PTK2B: variants seen among roughly 807,000 people sequenced by gnomAD.
PTK2B encodes protein-tyrosine kinase 2-beta.
In PTK2B, 71 loss-of-function variants were observed where a neutral mutation model predicts 142.9. That is an observed-to-expected ratio of 0.50 (90% CI 0.41 to 0.61). The LOEUF is 0.61. PTK2B is among the 20% of genes least tolerant of loss of function. The probability of loss-of-function intolerance (pLI) is 0.00; values close to 1 mark genes in which losing one functional copy is unlikely to be tolerated. For missense variants in PTK2B, 1,105 were observed against 1,320.4 expected (o/e 0.84, Z 2.53); for synonymous variants, 519 against 503.4 (o/e 1.03, Z -0.42).
At position 27,458,660 on chromosome 8, in the gene PTK2B, A is replaced by C; in HGVS notation, c.*151A>C. On this transcript the variant is annotated 3_prime_UTR_variant, in exon 31 of 31. Transcript: ENST00000346049. ...TGCACGACGCCCTCTCCCCACCCCT[A>C]CCCCTGGCTGTACTGCTCAGGCTGC... is the stretch of plus-strand genomic sequence containing the variant. 1 of 739,540 alleles carries C rather than the reference A, an allele frequency of 1.4e-6. No individual in the cohort carries two copies. 45.8% of individuals were successfully genotyped at this position (739,540 alleles called of 1,614,324 possible).
chr8:27,411,211 G>A (rs1809040019), intron 2 of PTK2B, among the ~76,000 whole-genome samples: 1 of 152,148 alleles, frequency 6.6e-6, no homozygotes, highest in African/African-American at 2.4e-5. Context: ...AGCTCTGGGT[G>A]GAGTGCTGAT....
chr8:27,392,412 CATG>C (rs1427385677), intron 1 of PTK2B, among the ~76,000 whole-genome samples: 1 of 151,124 alleles, frequency 6.6e-6, no homozygotes, highest in Non-Finnish European at 1.5e-5. Flanking sequence ...TGAAAATAGT[CATG>C]ATGATAGAGC....
intron 1 of PTK2B, among the ~76,000 whole-genome samples, chr8:27,338,349 G>A (rs1289104110): frequency 6.6e-6 from 1 of 151,936 alleles, no homozygotes. Flanking sequence ...CTATGAAGAT[G>A]CAAAGGCATA....
At chr8:27,356,290 A>T (rs1392922313) in intron 1 of PTK2B, among the ~76,000 whole-genome samples, 4 of 152,184 alleles carry the variant, frequency 2.6e-5, no homozygotes, top group African/African-American at 9.6e-5. Context: ...TACTGACCGT[A>T]TTGGGCCCTG....
intron 1 of PTK2B, among the ~76,000 whole-genome samples, chr8:27,351,608 T>A (rs1345577098): frequency 1.3e-5 from 2 of 152,032 alleles, no homozygotes; most frequent in Non-Finnish European, 2.9e-5. Flanking sequence ...ATAAATTAAT[T>A]AATAAATAAA....
chr8:27,376,562 G>A (rs943533516), intron 1 of PTK2B, among the ~76,000 whole-genome samples: 1 of 152,184 alleles, frequency 6.6e-6, no homozygotes, highest in African/African-American at 2.4e-5. Context: ...GTCACAGGGT[G>A]AGATAGGAAG....
At chr8:27,338,797 G>A (rs1804227804) in intron 1 of PTK2B, among the ~76,000 whole-genome samples, 1 of 152,090 alleles carries the variant, frequency 6.6e-6, no homozygotes, top group East Asian at 1.9e-4. Context: ...CAGATAATTT[G>A]GGAAGGTAGA....
At chr8:27,351,893 A>C (rs1346272634) in intron 1 of PTK2B, among the ~76,000 whole-genome samples, 1 of 152,200 alleles carries the variant, frequency 6.6e-6, no homozygotes, top group Non-Finnish European at 1.5e-5. Flanking sequence ...CATCCACTGG[A>C]GGGAAAGAGA....
chr8:27,373,289 C>T (rs1222662168), intron 1 of PTK2B, among the ~76,000 whole-genome samples: 1 of 152,224 alleles, frequency 6.6e-6, no homozygotes, highest in Non-Finnish European at 1.5e-5. Context: ...AGACATCTTA[C>T]TCCCTAGTCC....
At chr8:27,455,315 A>G (rs1391313424) in intron 30 of PTK2B, among the ~76,000 whole-genome samples, 7 of 152,092 alleles carry the variant, frequency 4.6e-5, no homozygotes, top group Non-Finnish European at 1.5e-5. Context: ...TATAATGCCA[A>G]CCATTTGGGA....
intron 1 of PTK2B, among the ~76,000 whole-genome samples, chr8:27,388,233 A>G (rs1231981714): frequency 6.6e-6 from 1 of 152,212 alleles, no homozygotes; most frequent in Non-Finnish European, 1.5e-5. Flanking sequence ...CCGCTCAGCA[A>G]CCAACTTTGT....
At chr8:27,340,278 A>G (rs1804318116) in intron 1 of PTK2B, among the ~76,000 whole-genome samples, 1 of 152,212 alleles carries the variant, frequency 6.6e-6, no homozygotes, top group African/African-American at 2.4e-5. Context: ...AGAGCTACCA[A>G]CTTTACCAAG....
At chr8:27,417,304 C>T (rs1697301740) in intron 2 of PTK2B, among the ~76,000 whole-genome samples, 1 of 152,156 alleles carries the variant, frequency 6.6e-6, no homozygotes, top group Non-Finnish European at 1.5e-5. Context: ...GGATCTCAGA[C>T]ATTATGCTGA....
chr8:27,458,547 T>C lies in PTK2B; in HGVS notation c.*38T>C, dbSNP rs1812301573. 4 of 1,539,038 alleles carry C rather than the reference T, an allele frequency of 2.6e-6. No individual in the cohort carries two copies. The highest frequency in any genetic ancestry group is 3.5e-6 in the Non-Finnish European group (4 of 1,139,754). On this transcript the variant is annotated 3_prime_UTR_variant, in exon 31 of 31. Transcript: ENST00000346049. ...GCCACCTGCCTGCGTCTTCCGCCCCTGCCTGCCATGTACCTCCCCTGCCTT... is the reference window on the plus strand; with the variant it reads ...GCCACCTGCCTGCGTCTTCCGCCCCCGCCTGCCATGTACCTCCCCTGCCTT...
intron 4 of PTK2B, among the ~76,000 whole-genome samples, chr8:27,421,978 G>A (rs1429428306): frequency 1.3e-5 from 2 of 152,174 alleles, no homozygotes; most frequent in Non-Finnish European, 2.9e-5. Context: ...TACCAACAGA[G>A]CTTTGGATAA....
chr8:27,311,390 T>A, upstream of PTK2B: 1 of 947,264 alleles, frequency 1.1e-6, no homozygotes, highest in South Asian at 1.8e-5. Flanking sequence ...GCGGGGGGGA[T>A]GGCGAGGGGG....
chr8:27,324,203 A>C (rs1281318288), upstream of PTK2B, among the ~76,000 whole-genome samples: 1 of 152,042 alleles, frequency 6.6e-6, no homozygotes, highest in African/African-American at 2.4e-5. Context: ...TTGCCTCTCC[A>C]TCCCTGGCCA....
intron 1 of PTK2B, among the ~76,000 whole-genome samples, chr8:27,386,764 G>A (rs1807385729): frequency 6.6e-6 from 1 of 152,164 alleles, no homozygotes; most frequent in Admixed American, 6.5e-5. Flanking sequence ...GGGGTTGGCA[G>A]GTGAAGCTTG....
chr8:27,440,274 G>A lies in PTK2B; in HGVS notation c.1872G>A (p.Gln624=), dbSNP rs1373516395. The stretch of plus-strand genomic sequence containing the variant: ...GGGAGATCCTGAGCTTTGGGAAGCA[G>A]CCCTTCTTCTGGCTGGAGAACAAGG... The part of the protein sequence containing the change: ...CMWEILSFGK[Q]PFFWLENKDV... Residue 624 remains glutamine (Q), a synonymous_variant, in exon 21 of 31, where the codon CAG becomes CAA. Transcript: ENST00000346049. 1 of 1,614,220 alleles carries A rather than the reference G, an allele frequency of 6.2e-7. No individual in the cohort carries two copies. The highest frequency in any genetic ancestry group is 8.5e-7 in the Non-Finnish European group (1 of 1,180,036).
Sources: gnomAD v4.1 joint callset for allele counts (sites outside exome capture counted in the v4.1 genomes callset) on GRCh38, gnomAD v4.1.1 for gene constraint, MANE v1.5 for transcripts, NCBI Gene and HGNC (gene_info 2026-07-23, HGNC 2026-07-21) for gene names.